HIVEP3: variants seen among roughly 807,000 people sequenced by gnomAD.
HIVEP3 encodes the protein HIVEP zinc finger 3, also known as transcription factor HIVEP3.
A neutral mutation model predicts 152.8 loss-of-function variants in HIVEP3; 49 were observed. The observed-to-expected ratio is 0.32, with a 90% confidence interval of 0.26 to 0.41. The LOEUF (loss-of-function observed/expected upper bound fraction) is 0.41, where lower values mean the gene tolerates loss of function less well. Ranked by LOEUF, HIVEP3 falls within the 10% of genes least tolerant of loss-of-function variation. HIVEP3 has a pLI of 1.00. For missense variants in HIVEP3, 2,790 were observed against 3,103.3 expected (o/e 0.90, Z 2.40); for synonymous variants, 1,269 against 1,289.0 (o/e 0.98, Z 0.33).
chr1:41,727,106 C>T (rs1188848450), intron 1 of HIVEP3, among the ~76,000 whole-genome samples: 1 of 152,196 alleles, frequency 6.6e-6, no homozygotes, highest in Non-Finnish European at 1.5e-5. Flanking sequence ...AGACTGAACT[C>T]ACAGGCAGGT....
rs559229222 is a variant in HIVEP3, at chr1:41,513,357, C to G, written c.5864G>C (p.Gly1955Ala). The change falls in exon 8 of 9, where the codon GGC (glycine) becomes GCC (alanine). Residue 1955 changes from glycine to alanine, a missense_variant. Coordinates refer to ENST00000372583, the MANE Select transcript of HIVEP3 (RefSeq NM_024503.5). ...CACAGGCTTGTAGCTCAAGGCTGAGCCTGTGTCTTTCTCCACAGAGCCCAG... is the reference window on the plus strand; with the variant it reads ...CACAGGCTTGTAGCTCAAGGCTGAGGCTGTGTCTTTCTCCACAGAGCCCAG... ...APLGSVEKDT[G>A]SALSYKPVSP... The G allele has an allele frequency of 6.2e-7, 1 of 1,612,720 alleles. No homozygotes were observed. Among genetic ancestry groups the G allele is most frequent in the African/African-American group, 1.3e-5 (1 of 75,030 alleles).
At chr1:41,761,202 G>T (rs775650398) in intron 1 of HIVEP3, among the ~76,000 whole-genome samples, 5 of 152,238 alleles carry the variant, frequency 3.3e-5, no homozygotes, top group Non-Finnish European at 7.3e-5. Flanking sequence ...CTATGTGAGT[G>T]CCCAGGTGTG....
intron 1 of HIVEP3, among the ~76,000 whole-genome samples, chr1:41,722,403 G>GCCTGCCTTCCTTCCTTCCTTCCTTCCTT (rs1553253035): frequency 8.8e-5 from 10 of 113,054 alleles, no homozygotes; most frequent in African/African-American, 2.9e-4. Flanking sequence ...AATTTGGCTG[G>GCCTGCCTTCCTTCCTTCCTTCCTTCCTT]CCTTCCTTCC....
rs192888598 is a variant in HIVEP3 at position 41,772,913 on chromosome 1, T to A, written c.-800-71918A>T. 8.0e-4 allele frequency among the ~76,000 whole-genome samples: 121 copies of A among 151,984 alleles called. No individual in the cohort carries two copies. The East Asian group carries it at 0.021, about 27-fold the overall frequency. On this transcript the variant is annotated intron_variant, in intron 1 of 8. Coordinates refer to ENST00000372583, the MANE Select transcript of HIVEP3 (RefSeq NM_024503.5). Reference sequence around the variant, plus strand: ...AGAGTGAGACTCTGTATCAAAAAAATAAATAAATAAATAAAATAGGACCCA... The same window carrying A: ...AGAGTGAGACTCTGTATCAAAAAAAAAAATAAATAAATAAAATAGGACCCA...
intron 3 of HIVEP3, among the ~76,000 whole-genome samples, chr1:41,617,542 G>A (rs1234701023): frequency 6.6e-6 from 1 of 152,220 alleles, no homozygotes; most frequent in Middle Eastern, 3.2e-3. Context: ...CTGAGGGCTG[G>A]TCCAGATACC....
chr1:41,678,679 G>A (rs1332589273), intron 2 of HIVEP3, among the ~76,000 whole-genome samples: 2 of 149,820 alleles, frequency 1.3e-5, no homozygotes, highest in Non-Finnish European at 2.9e-5. Context: ...CCTTGGGCCT[G>A]AGCCCACCAC....
chr1:41,590,446 C>T (rs1258712624), intron 3 of HIVEP3, among the ~76,000 whole-genome samples: 1 of 152,220 alleles, frequency 6.6e-6, no homozygotes, highest in African/African-American at 2.4e-5. Context: ...AGGAAAAGTG[C>T]TTGCCCTCCA....
intron 3 of HIVEP3, among the ~76,000 whole-genome samples, chr1:41,588,396 G>T (rs1050668154): frequency 6.6e-6 from 1 of 152,236 alleles, no homozygotes; most frequent in Admixed American, 6.5e-5. Flanking sequence ...CTGAGTGGGG[G>T]TCAGCTGGCC....
At chr1:41,676,002 C>T (rs1645948710) in intron 2 of HIVEP3, among the ~76,000 whole-genome samples, 1 of 152,096 alleles carries the variant, frequency 6.6e-6, no homozygotes, top group Non-Finnish European at 1.5e-5. Flanking sequence ...TCTAATGCCA[C>T]ATCACCCCGC....
intron 5 of HIVEP3, among the ~76,000 whole-genome samples, chr1:41,528,254 A>G (rs1270946225): frequency 7.4e-5 from 3 of 40,462 alleles, no homozygotes; most frequent in Non-Finnish European, 1.4e-4. Flanking sequence ...TCACCCTCAC[A>G]CCCCTCCACC....
intron 3 of HIVEP3, among the ~76,000 whole-genome samples, chr1:41,603,534 A>G (rs1467275400): frequency 6.6e-6 from 1 of 151,036 alleles, no homozygotes; most frequent in Non-Finnish European, 1.5e-5. Context: ...TAATTTTTGT[A>G]TTTTTAGTGG....
At chr1:41,711,998 C>T (rs917859475) in intron 1 of HIVEP3, among the ~76,000 whole-genome samples, 2 of 152,184 alleles carry the variant, frequency 1.3e-5, no homozygotes, top group South Asian at 2.1e-4. Flanking sequence ...GCCAGCAGGT[C>T]GCTAATCCCA....
Position 41,528,668 on chromosome 1 carries a change from TTCACAC to T in HIVEP3, c.5208-3764_5208-3759del, listed in dbSNP as rs139566882. On this transcript the variant is annotated intron_variant, in intron 5 of 8. Coordinates refer to ENST00000372583, the MANE Select transcript of HIVEP3 (RefSeq NM_024503.5). ...CACACTCCACACCCCCATCCTCACC[TTCACAC>T]TCACACCCCTGCCCTCACGTTCACC... Among the ~76,000 whole-genome samples, 346 of 61,388 alleles carry T rather than the reference TTCACAC, an allele frequency of 5.6e-3. 14 individuals are homozygous for T. The highest frequency in any genetic ancestry group is 0.025 in the African/African-American group (332 of 13,264). 40.3% of individuals were successfully genotyped at this position (61,388 alleles called of 152,430 possible).
chr1:41,750,590 T>C (rs553246104), intron 1 of HIVEP3, among the ~76,000 whole-genome samples: 1 of 152,282 alleles, frequency 6.6e-6, no homozygotes, highest in South Asian at 2.1e-4. Context: ...TTGCCACTCA[T>C]ATTCATTAGC....
chr1:41,680,586 A>G (rs992626415), intron 2 of HIVEP3, among the ~76,000 whole-genome samples: 1 of 152,192 alleles, frequency 6.6e-6, no homozygotes, highest in African/African-American at 2.4e-5. Context: ...GGAAACACAA[A>G]CCACACCTCT....
intron 1 of HIVEP3, among the ~76,000 whole-genome samples, chr1:41,778,219 T>C (rs1364847188): frequency 6.6e-6 from 1 of 152,214 alleles, no homozygotes. Context: ...TTTGAGTGGA[T>C]GGCATCTGCT....
intron 7 of HIVEP3, among the ~76,000 whole-genome samples, chr1:41,514,354 C>A (rs1642540122): frequency 6.6e-6 from 1 of 152,236 alleles, no homozygotes; most frequent in African/African-American, 2.4e-5. Flanking sequence ...CATATTAATA[C>A]ATTAATGATG....
In HIVEP3 at chr1:41,511,047, C is replaced by T. The variant is rs1418777685; in HGVS notation, c.6625G>A (p.Ala2209Thr). Residue 2209 changes from alanine (A) to threonine (T), a missense_variant, in exon 9 of 9, where the codon GCC (alanine) becomes ACC (threonine). By Grantham distance (58) the Ala-to-Thr change is moderately conservative. Around this residue, in one of 9 missense-constraint regions of HIVEP3, gnomAD observed 816 missense variants for 806.5 expected, o/e 1.01. Coordinates refer to ENST00000372583, the MANE Select transcript of HIVEP3 (RefSeq NM_024503.5). This position sits in a 1 kb window ranked among gnomAD's most constrained non-coding sequence, Gnocchi z 4.9. The stretch of plus-strand genomic sequence containing the variant: ...GGCCCTGGCAGCAGGGTGGGGTGGG[C>T]TCCTGGCCGGGCCTGCACCATCTGG... ...GIQMVQARPG[A>T]HPTLLPGPTA... 1 of 1,613,820 alleles carries T rather than the reference C, an allele frequency of 6.2e-7. No individual in the cohort carries two copies. Among genetic ancestry groups the T allele is most frequent in the East Asian group, 2.2e-5 (1 of 44,858 alleles).
At chr1:41,763,060 G>A (rs891445728) in intron 1 of HIVEP3, among the ~76,000 whole-genome samples, 2 of 152,202 alleles carry the variant, frequency 1.3e-5, no homozygotes, top group African/African-American at 4.8e-5. Context: ...CCAAGTGAGA[G>A]GAGAGTTCAC....
Sources: allele counts gnomAD v4.1 joint callset (sites outside exome capture counted in the v4.1 genomes callset), GRCh38; gene constraint gnomAD v4.1.1; regional missense constraint gnomAD v4.1.1; non-coding constraint Gnocchi (gnomAD v3.1); transcripts MANE v1.5; gene names NCBI Gene and HGNC (gene_info 2026-07-23, HGNC 2026-07-21).